RNF216: variants seen among roughly 807,000 people sequenced by gnomAD.
RNF216 encodes E3 ubiquitin-protein ligase RNF216.
RNF216 carries 72 observed loss-of-function variants against 110.8 expected under a neutral mutation model. The observed-to-expected ratio is 0.65, with a 90% CI of 0.54 to 0.79. The LOEUF is 0.79. Ranked by LOEUF, RNF216 falls within the 30% of genes least tolerant of loss-of-function variation. RNF216 has a pLI of 0.00. For synonymous variants in RNF216, 495 were observed against 407.5 expected (o/e 1.21, Z -2.59); for missense variants, 1,342 against 1,141.2 (o/e 1.18, Z -2.54).
intron 1 of RNF216, among the ~76,000 whole-genome samples, chr7:5,772,859 C>T (rs1300120776): frequency 6.6e-6 from 1 of 150,496 alleles, no homozygotes. Flanking sequence ...CTCACTGCAA[C>T]CCTCTGCATC....
In RNF216 at chr7:5,624,144, G is replaced by C; in HGVS notation, c.2383-19C>G. On this transcript the variant is annotated intron_variant, in intron 15 of 16. Coordinates refer to ENST00000389902, the MANE Select transcript of RNF216 (RefSeq NM_207111.4). This position sits in a 1 kb window ranked among gnomAD's most constrained non-coding sequence, Gnocchi z 4.4. ...CATCTTCCTAAAACGCAAGCAATGA[G>C]AAGGATGAACCTGTAGCTTCATGCA... 1.2e-6 allele frequency: 2 copies of C among 1,608,918 alleles called. No individual in the cohort carries two copies. Among genetic ancestry groups the C allele is most frequent in the Non-Finnish European group, 1.7e-6 (2 of 1,176,962 alleles).
At chr7:5,641,422 G>C (rs1321118847) in intron 14 of RNF216, 46 bp from the exon 15 acceptor site, 2 of 1,477,964 alleles carry the variant, frequency 1.4e-6, no homozygotes, top group East Asian at 2.3e-5. Flanking sequence ...AAGATGAGGA[G>C]GAAAAAAATA....
intron 15 of RNF216, among the ~76,000 whole-genome samples, chr7:5,631,701 T>C (rs1027187131): frequency 3.9e-5 from 6 of 152,192 alleles, no homozygotes; most frequent in African/African-American, 1.4e-4. Flanking sequence ...CTTTTCCTTA[T>C]ACATATTGAT....
At chr7:5,644,044 T>TA (rs759873163) in intron 14 of RNF216, among the ~76,000 whole-genome samples, 11 of 152,236 alleles carry the variant, frequency 7.2e-5, no homozygotes, top group Non-Finnish European at 1.5e-4. Flanking sequence ...TATGGTTGGA[T>TA]AATATTCCAT....
chr7:5,634,981 T>A (rs1253371699), intron 15 of RNF216, among the ~76,000 whole-genome samples: 1 of 152,160 alleles, frequency 6.6e-6, no homozygotes, highest in Non-Finnish European at 1.5e-5. Flanking sequence ...AAGGGCTACC[T>A]GGTTCATGGG....
intron 13 of RNF216, among the ~76,000 whole-genome samples, chr7:5,692,912 T>C (rs554611253): frequency 1.3e-5 from 2 of 152,382 alleles, no homozygotes; most frequent in Non-Finnish European, 2.9e-5. Context: ...AGCGATTCAC[T>C]GCTACCCATT....
chr7:5,777,854 G>A (rs917124336), intron 1 of RNF216, among the ~76,000 whole-genome samples: 2 of 152,082 alleles, frequency 1.3e-5, no homozygotes, highest in African/African-American at 2.4e-5. Flanking sequence ...TTCAGTGGGC[G>A]GGCTAAACAA....
intron 15 of RNF216, among the ~76,000 whole-genome samples, chr7:5,632,762 A>G (rs1363816097): frequency 6.6e-6 from 1 of 151,956 alleles, no homozygotes; most frequent in East Asian, 1.9e-4. Flanking sequence ...GGGCGACAAG[A>G]GCAAAACTCC....
At position 5,736,513 on chromosome 7, in the gene RNF216, C is replaced by T. The variant is rs61996492; in HGVS notation, c.1121+2763G>A. Among the ~76,000 whole-genome samples, 1,292 of 152,272 alleles carry T rather than the reference C, an allele frequency of 8.5e-3. 18 individuals carry two copies. Among genetic ancestry groups the T allele is most frequent in the African/African-American group, 0.03 (1,245 of 41,546 alleles). On this transcript the variant is annotated intron_variant, in intron 5 of 16. Coordinates refer to ENST00000389902, the MANE Select transcript of RNF216 (RefSeq NM_207111.4). ...CGCCTGCCTTGGCCTCCCAAAGTGC[C>T]GAGATTTCAGCCTCTGCCCGGCCGC... is the stretch of plus-strand genomic sequence containing the variant.
chr7:5,709,251 A>G (rs927764793), intron 13 of RNF216, among the ~76,000 whole-genome samples: 1 of 152,178 alleles, frequency 6.6e-6, no homozygotes, highest in Non-Finnish European at 1.5e-5. Flanking sequence ...AAAGGTCTGA[A>G]TATTAGATAT....
chr7:5,625,250 T>C (rs150597231), intron 15 of RNF216, among the ~76,000 whole-genome samples: 142 of 151,894 alleles, frequency 9.3e-4, no homozygotes, highest in African/African-American at 3.0e-3. Flanking sequence ...CCTCCAGGAG[T>C]TGAGAGCAGC....
rs201903444 is a variant in RNF216, at chr7:5,741,447, T to C, written c.570A>G (p.Glu190=). 70 of 1,614,084 alleles carry C rather than the reference T, an allele frequency of 4.3e-5. No homozygotes were observed. The highest frequency in any genetic ancestry group is 5.1e-5 in the Non-Finnish European group (60 of 1,180,034). Reference sequence around the variant, plus strand: ...GGTTCTGAGTTTCCAAAGGATCGCTTTCTGTGTAAAGAAGGCTACCTTCTT... The same window carrying C: ...GGTTCTGAGTTTCCAAAGGATCGCTCTCTGTGTAAAGAAGGCTACCTTCTT... ...ILEEGSLLYT[E]SDPLETQNQS... is the part of the protein sequence containing the mutation. Residue 190 remains glutamate, a synonymous_variant, in exon 4 of 17, where the codon GAA becomes GAG. Coordinates refer to ENST00000389902, the MANE Select transcript of RNF216 (RefSeq NM_207111.4).
Position 5,642,810 on chromosome 7 carries a change from T to C in RNF216, c.2160-1434A>G, listed in dbSNP as rs1004378473. On this transcript the variant is annotated intron_variant, in intron 14 of 16. Transcript: ENST00000389902. ...AAGGTTCTAATGAAAAACTTTTCAA[T>C]TTGAAAAGCTATGTGCCCAAACACA... Among the ~76,000 whole-genome samples the C allele has an allele frequency of 2.0e-5, 3 of 152,158 alleles. No individual in the cohort carries two copies. The South Asian group carries it at 6.2e-4, about 32-fold the overall frequency.
chr7:5,733,616 G>A (rs1022739938), intron 5 of RNF216, among the ~76,000 whole-genome samples: 1 of 145,082 alleles, frequency 6.9e-6, no homozygotes, highest in Non-Finnish European at 1.5e-5. Flanking sequence ...TACATTTTCT[G>A]TAATGAACAA....
At chr7:5,623,877 G>A (rs1182920963) in intron 16 of RNF216, among the ~76,000 whole-genome samples, 179 bp downstream of exon 16, 1 of 152,120 alleles carries the variant, frequency 6.6e-6, no homozygotes, top group Non-Finnish European at 1.5e-5. Context: ...AGGCGTTGAA[G>A]GCCTTTCCAT....
intron 1 of RNF216, among the ~76,000 whole-genome samples, chr7:5,777,281 A>C (rs1279683507): frequency 1.3e-5 from 2 of 152,244 alleles, no homozygotes; most frequent in Admixed American, 1.3e-4. Flanking sequence ...TAAAACTGTC[A>C]ACAAACAAAA....
intron 1 of RNF216, among the ~76,000 whole-genome samples, chr7:5,766,704 G>C (rs1005606002): frequency 1.3e-5 from 2 of 152,212 alleles, no homozygotes; most frequent in Non-Finnish European, 2.9e-5. Context: ...TATGGTATCA[G>C]TCAGCTTGAG....
chr7:5,683,994 G>A (rs1419581908), intron 13 of RNF216, among the ~76,000 whole-genome samples: 1 of 152,036 alleles, frequency 6.6e-6, no homozygotes, highest in African/African-American at 2.4e-5. Context: ...GTCTTGTGGC[G>A]GGATGTGTGA....
chr7:5,761,328 T>C (rs1446580338), intron 1 of RNF216, among the ~76,000 whole-genome samples, 190 bp from the exon 2 acceptor site: 1 of 149,442 alleles, frequency 6.7e-6, no homozygotes, highest in Admixed American at 6.6e-5. Flanking sequence ...ATTTTTAAAA[T>C]ACACATATTA....
Sources: gnomAD v4.1 joint callset for allele counts (sites outside exome capture counted in the v4.1 genomes callset) on GRCh38, gnomAD v4.1.1 for gene constraint, Gnocchi (gnomAD v3.1) non-coding constraint, MANE v1.5 for transcripts, NCBI Gene and HGNC (gene_info 2026-07-23, HGNC 2026-07-21) for gene names.